The following RAPGEF3 variants were observed in gnomAD, a reference collection of about 807,000 sequenced individuals.
RAPGEF3 encodes Rap guanine nucleotide exchange factor 3, also known as 9330170P05Rik.
In RAPGEF3, 103 loss-of-function variants were observed where a neutral mutation model predicts 129.8. The observed-to-expected ratio is 0.79, with a 90% CI of 0.68 to 0.93. The LOEUF (loss-of-function observed/expected upper bound fraction) is 0.93, where lower values mean the gene tolerates loss of function less well. Ranked by LOEUF, RAPGEF3 falls within the 40% of genes least tolerant of loss-of-function variation. RAPGEF3 has a pLI of 0.00. For synonymous variants in RAPGEF3, 436 were observed against 482.6 expected, an observed-to-expected ratio of 0.90 and a Z score of 1.26; for missense variants, 1,117 against 1,207.4, an observed-to-expected ratio of 0.93 and a Z score of 1.11.
chr12:47,738,751 A>G lies in RAPGEF3; in HGVS notation c.2465T>C (p.Met822Thr). The G allele has an allele frequency of 6.2e-7, 1 of 1,608,600 alleles. No individual in the cohort carries two copies. Among genetic ancestry groups the G allele is most frequent in the Non-Finnish European group, 8.5e-7 (1 of 1,175,004 alleles). The change falls in exon 25 of 28, where the codon ATG (methionine) becomes ACG (threonine). Residue 822 changes from methionine to threonine, a missense_variant. By Grantham distance (81) the Met-to-Thr change is moderately conservative (BLOSUM62 -1). Transcript: ENST00000449771. ...IPFMPLLLKD[M>T]TFIHEGNHTL... Reference sequence around the variant, plus strand: ...GTGGTTTCCCTCATGAATGAAGGTCATGTCTGCAAAGAGATGGGTTTTGTT... The same window carrying G: ...GTGGTTTCCCTCATGAATGAAGGTCGTGTCTGCAAAGAGATGGGTTTTGTT...
At chr12:47,743,953 G>A (rs762252152) in intron 17 of RAPGEF3, 34 bp downstream of exon 17, 1 of 1,540,230 alleles carries the variant, frequency 6.5e-7, no homozygotes, top group South Asian at 1.1e-5. Flanking sequence ...GGGTGCAGAT[G>A]TCGGGCTGTG....
In RAPGEF3 at chr12:47,743,585, G is replaced by A; in HGVS notation, c.1770C>T (p.Ala590=). ...ASVREVMAAL[A]QEDGWTKGQV... ...GCCCCTTGGTCCAGCCATCCTCCTGGGCCAACGCTGCCATCACCTCTCTCA... is the reference window on the plus strand; with the variant it reads ...GCCCCTTGGTCCAGCCATCCTCCTGAGCCAACGCTGCCATCACCTCTCTCA... Residue 590 remains alanine, a synonymous_variant, in exon 18 of 28, where the codon GCC becomes GCT. Transcript: ENST00000449771. 6.2e-7 allele frequency: 1 copy of A among 1,614,136 alleles called. No individual in the cohort carries two copies. Among genetic ancestry groups the A allele is most frequent in the South Asian group, 1.1e-5 (1 of 91,078 alleles).
At chr12:47,739,744 G>A (rs986155635) in intron 23 of RAPGEF3, 10 of 367,336 alleles carry the variant, frequency 2.7e-5, no homozygotes, top group Admixed American at 8.0e-5. Flanking sequence ...CAAGCCCCTC[G>A]GAGTTCCTGA....
rs932439729 is a variant in RAPGEF3 at position 47,736,135 on chromosome 12, G to A, written c.*1432C>T. ...TGGCGTTTATCATACCTGGCTTACA[G>A]GTGGAGAAATGAAGGAAGAGAACTG... On this transcript the variant is annotated 3_prime_UTR_variant, in exon 28 of 28. Coordinates refer to ENST00000449771, the MANE Select transcript of RAPGEF3 (RefSeq NM_001098531.4). 6.6e-6 allele frequency: 1 copy of A among 152,302 alleles called. No individual in the cohort carries two copies. Among genetic ancestry groups the A allele is most frequent in the Non-Finnish European group, 1.5e-5 (1 of 68,076 alleles). 9.4% of individuals were successfully genotyped at this position (152,302 alleles called of 1,614,324 possible). A position where few individuals can be genotyped will look rare whatever the true frequency, so the allele number is the denominator to read the frequency against.
chr12:47,744,427 G>A (rs1477520281), intron 16 of RAPGEF3: 1 of 275,174 alleles, frequency 3.6e-6, no homozygotes, highest in East Asian at 9.0e-5. Flanking sequence ...GCATTATTCT[G>A]AGGATCTAAA....
chr12:47,757,781 C>A, intron 2 of RAPGEF3, 85 bp downstream of exon 2: 1 of 1,327,200 alleles, frequency 7.5e-7, no homozygotes, highest in Non-Finnish European at 1.0e-6. Context: ...CAAGCTGGGC[C>A]ACCAGCAGCA....
intron 4 of RAPGEF3, 88 bp from the exon 5 acceptor site, chr12:47,751,608 C>T (rs991685112): frequency 6.2e-7 from 1 of 1,601,466 alleles, no homozygotes; most frequent in Non-Finnish European, 8.5e-7. Flanking sequence ...CCTCTGAGGC[C>T]CAAGCCTGGT....
intron 2 of RAPGEF3, among the ~76,000 whole-genome samples, chr12:47,753,141 A>G (rs576274683): frequency 2.7e-4 from 41 of 152,330 alleles, no homozygotes; most frequent in African/African-American, 8.9e-4. Flanking sequence ...CTCATGTAAA[A>G]TAGGATCAGA....
chr12:47,748,770 G>GA, intron 11 of RAPGEF3, 49 bp downstream of exon 11: 1 of 1,378,436 alleles, frequency 7.3e-7, no homozygotes, highest in South Asian at 1.2e-5. Flanking sequence ...CAAAGATTGG[G>GA]AAATGAAAGG....
chr12:47,758,089 G>T lies in RAPGEF3; in HGVS notation c.7-11C>A. 1 of 1,556,054 alleles carries T rather than the reference G, an allele frequency of 6.4e-7. No individual in the cohort carries two copies. Among genetic ancestry groups the T allele is most frequent in the Non-Finnish European group, 8.7e-7 (1 of 1,150,216 alleles). ...ACCTGGCCAGCCCACCTGTGACACG[G>T]GGAGGAAAGTGGACAGCCATGGGAC... On this transcript the variant is annotated splice_polypyrimidine_tract_variant and intron_variant, in intron 1 of 27. Coordinates refer to ENST00000449771, the MANE Select transcript of RAPGEF3 (RefSeq NM_001098531.4).
intron 2 of RAPGEF3, 68 bp from the exon 3 acceptor site, chr12:47,752,037 C>T: frequency 6.5e-7 from 1 of 1,532,740 alleles, no homozygotes; most frequent in Non-Finnish European, 9.0e-7. Context: ...GATACCTCCC[C>T]TCCCCCATCA....
At chr12:47,750,198 CG>C in intron 7 of RAPGEF3, 142 bp downstream of exon 7, 2 of 1,087,084 alleles carry the variant, frequency 1.8e-6, no homozygotes, top group Non-Finnish European at 2.8e-6. Flanking sequence ...AGGGCAGCGC[CG>C]GGGGCAAGAA....
intron 25 of RAPGEF3, 100 bp from the exon 26 acceptor site, chr12:47,738,347 A>T: frequency 6.8e-7 from 1 of 1,463,194 alleles, no homozygotes; most frequent in South Asian, 1.2e-5. Context: ...ACCAAGGATC[A>T]GGGACTGTAA....
rs201812701 is a variant in RAPGEF3, at chr12:47,740,824, C to T, written c.2050-1G>A. On this transcript the variant is annotated splice_acceptor_variant, in intron 20 of 27. Coordinates refer to ENST00000449771, the MANE Select transcript of RAPGEF3 (RefSeq NM_001098531.4). LOFTEE classifies it high-confidence loss of function. ...CCAGCACATAGTGGATCAGCTCCAC[C>T]TGGGTGGGGTCAGCAGGAGAGGTCA... is the stretch of plus-strand genomic sequence containing the variant. 1 of 1,613,792 alleles carries T rather than the reference C, an allele frequency of 6.2e-7. No individual in the cohort carries two copies. The highest frequency in any genetic ancestry group is 2.2e-5 in the East Asian group (1 of 44,880).
At chr12:47,751,608 C>G in intron 4 of RAPGEF3, 88 bp from the exon 5 acceptor site, 1 of 1,601,466 alleles carries the variant, frequency 6.2e-7, no homozygotes, top group Non-Finnish European at 8.5e-7. Flanking sequence ...CCTCTGAGGC[C>G]CAAGCCTGGT....
At chr12:47,752,544 C>G (rs546097330) in intron 2 of RAPGEF3, 1 of 158,032 alleles carries the variant, frequency 6.3e-6, no homozygotes, top group East Asian at 1.8e-4. Context: ...TCTCTGCTTC[C>G]CCACTGATGG....
intron 2 of RAPGEF3, among the ~76,000 whole-genome samples, chr12:47,754,354 G>A (rs922363316): frequency 6.6e-6 from 1 of 152,250 alleles, no homozygotes; most frequent in Non-Finnish European, 1.5e-5. Flanking sequence ...AGACAGGTTT[G>A]TTATTCTACC....
intron 19 of RAPGEF3, 82 bp downstream of exon 19, chr12:47,741,423 C>T: frequency 4.4e-6 from 6 of 1,374,036 alleles, no homozygotes; most frequent in Non-Finnish European, 6.2e-6. Flanking sequence ...CCTCTTCTCC[C>T]TGGGACCCTC....
chr12:47,738,005 C>CAA lies in RAPGEF3; in HGVS notation c.2653+16_2653+17insTT. 1 of 1,610,230 alleles carries CAA rather than the reference C, an allele frequency of 6.2e-7. No homozygotes were observed. The highest frequency in any genetic ancestry group is 8.5e-7 in the Non-Finnish European group (1 of 1,177,030). Reference sequence around the variant, plus strand: ...AAGCACCCCCTCCCTGCCCACCCACCATCGCCCACCACTTACATGTGGAAA... The same window carrying CAA: ...AAGCACCCCCTCCCTGCCCACCCACCAAATCGCCCACCACTTACATGTGGAAA... On this transcript the variant is annotated intron_variant, in intron 27 of 27. Transcript: ENST00000449771.
Sources: gnomAD v4.1 joint callset for allele counts (sites outside exome capture counted in the v4.1 genomes callset) on GRCh38, gnomAD v4.1.1 for gene constraint, MANE v1.5 for transcripts, NCBI Gene and HGNC (gene_info 2026-07-23, HGNC 2026-07-21) for gene names.